The following DTNB variants were observed in gnomAD, a reference collection of about 807,000 sequenced individuals.
The protein encoded by DTNB is dystrobrevin beta.
A neutral mutation model predicts 90.7 loss-of-function variants in DTNB; 63 were observed. That is an observed-to-expected ratio of 0.69 (90% CI 0.57 to 0.86). The LOEUF (loss-of-function observed/expected upper bound fraction) is 0.86. Ranked by LOEUF, DTNB falls within the 40% of genes least tolerant of loss-of-function variation. DTNB has a pLI of 0.00. For missense variants in DTNB, 744 were observed against 807.1 expected, an observed-to-expected ratio of 0.92 and a Z score of 0.95; for synonymous variants, 277 against 286.7, an observed-to-expected ratio of 0.97 and a Z score of 0.34.
At chr2:25,454,283 C>G (rs772197040) in intron 11 of DTNB, among the ~76,000 whole-genome samples, 1 of 152,052 alleles carries the variant, frequency 6.6e-6, no homozygotes, top group African/African-American at 2.4e-5. Flanking sequence ...ATTTAAAAGT[C>G]TTTTTCATAT....
chr2:25,627,319 G>A (rs2074398434), intron 4 of DTNB, among the ~76,000 whole-genome samples: 1 of 152,108 alleles, frequency 6.6e-6, no homozygotes, highest in Non-Finnish European at 1.5e-5. Flanking sequence ...GGCTGAGGCA[G>A]GAGAATCGCT....
chr2:25,543,100 CA>C (rs2081635849), intron 8 of DTNB, among the ~76,000 whole-genome samples: 1 of 152,090 alleles, frequency 6.6e-6, no homozygotes, highest in Non-Finnish European at 1.5e-5. Flanking sequence ...TAAAAATATA[CA>C]AAGTCTAAAG....
At chr2:25,508,434 G>T (rs1314485411) in intron 9 of DTNB, among the ~76,000 whole-genome samples, 1 of 151,586 alleles carries the variant, frequency 6.6e-6, no homozygotes, top group East Asian at 1.9e-4. Flanking sequence ...GTATACCACT[G>T]GCCTTCCAAT....
At chr2:25,412,593 A>G (rs2046884506) in intron 16 of DTNB, among the ~76,000 whole-genome samples, 1 of 152,214 alleles carries the variant, frequency 6.6e-6, no homozygotes, top group Admixed American at 6.5e-5. Flanking sequence ...AAACATATAT[A>G]AAGTCTTTTT....
chr2:25,554,146 G>T (rs1559006620), intron 8 of DTNB, among the ~76,000 whole-genome samples: 1 of 152,152 alleles, frequency 6.6e-6, no homozygotes, highest in East Asian at 1.9e-4. Flanking sequence ...TGTGTATAGG[G>T]AAAAACAAAG....
At chr2:25,606,752 A>T (rs1258159964) in intron 5 of DTNB, among the ~76,000 whole-genome samples, 2 of 152,134 alleles carry the variant, frequency 1.3e-5, no homozygotes, top group Non-Finnish European at 2.9e-5. Flanking sequence ...GATAACAGGA[A>T]TTTTTTTAAA....
intron 14 of DTNB, among the ~76,000 whole-genome samples, chr2:25,431,605 C>A (rs2053865833): frequency 6.6e-6 from 1 of 152,206 alleles, no homozygotes; most frequent in African/African-American, 2.4e-5. Context: ...AGCCCTGCTA[C>A]TACATCTAAG....
At chr2:25,545,978 C>T (rs540826930) in intron 8 of DTNB, among the ~76,000 whole-genome samples, 1 of 152,334 alleles carries the variant, frequency 6.6e-6, no homozygotes, top group African/African-American at 2.4e-5. Context: ...CCAGATGAAT[C>T]CTGAGTGGCA....
intron 9 of DTNB, among the ~76,000 whole-genome samples, chr2:25,520,734 AG>A (rs1185301266): frequency 6.6e-6 from 1 of 152,252 alleles, no homozygotes; most frequent in Non-Finnish European, 1.5e-5. Flanking sequence ...TATGAGGTAT[AG>A]GAAAAAAACA....
intron 1 of DTNB, among the ~76,000 whole-genome samples, chr2:25,667,141 TAA>T (rs1009134986): frequency 3.8e-5 from 5 of 131,856 alleles, no homozygotes; most frequent in Non-Finnish European, 5.0e-5. Context: ...AAAACAAAAT[TAA>T]AAAAAAAAAA....
Position 25,552,847 on chromosome 2 carries a change from T to A in DTNB, c.877-21250A>T, listed in dbSNP as rs1291144816. On this transcript the variant is annotated intron_variant, in intron 8 of 20. Transcript: ENST00000406818. ...TATATAATTTCTCTTTTTGATTTTT[T>A]TTTTTTTTTTTTTTTTTTTTTTTTG... 3.6e-3 allele frequency among the ~76,000 whole-genome samples: 440 copies of A among 121,854 alleles called. 31 individuals are homozygous for A. The highest frequency in any genetic ancestry group is 0.013 in the African/African-American group (396 of 31,382). The allele number at this position is 121,854 out of a possible 152,430, so 79.9% of individuals were successfully genotyped here. A position where few individuals can be genotyped will look rare whatever the true frequency, so the allele number is the denominator to read the frequency against.
chr2:25,508,504 T>G (rs1241609425), intron 9 of DTNB, among the ~76,000 whole-genome samples: 2 of 139,558 alleles, frequency 1.4e-5, no homozygotes, highest in South Asian at 2.2e-4. Context: ...TTTTTGTTTG[T>G]TTTTTTTTTT....
intron 4 of DTNB, among the ~76,000 whole-genome samples, chr2:25,611,354 G>GA (rs1349077766): frequency 5.9e-5 from 9 of 151,924 alleles, no homozygotes; most frequent in African/African-American, 1.9e-4. Flanking sequence ...CTAAAAGAAA[G>GA]AAAAAAAAGC....
intron 4 of DTNB, among the ~76,000 whole-genome samples, chr2:25,608,627 C>T (rs1477770608): frequency 6.6e-6 from 1 of 152,140 alleles, no homozygotes. Context: ...TAAGATAGAT[C>T]ATTAGGTTAA....
chr2:25,565,854 A>G (rs2058949264), intron 8 of DTNB, among the ~76,000 whole-genome samples: 1 of 152,188 alleles, frequency 6.6e-6, no homozygotes, highest in African/African-American at 2.4e-5. Context: ...GAGATTCAAG[A>G]CGTAATAGTC....
chr2:25,667,071 C>T (rs2084622289), intron 1 of DTNB, among the ~76,000 whole-genome samples: 1 of 151,602 alleles, frequency 6.6e-6, no homozygotes, highest in Non-Finnish European at 1.5e-5. Flanking sequence ...TAGACTGAGG[C>T]CCAGTAGGTC....
At chr2:25,618,124 A>G (rs2071326473) in intron 4 of DTNB, among the ~76,000 whole-genome samples, 1 of 152,138 alleles carries the variant, frequency 6.6e-6, no homozygotes, top group African/African-American at 2.4e-5. Flanking sequence ...TTTTCTTGGC[A>G]CTGAAACCCC....
intron 16 of DTNB, among the ~76,000 whole-genome samples, chr2:25,397,524 C>T (rs533133499): frequency 2.0e-5 from 3 of 152,040 alleles, no homozygotes; most frequent in African/African-American, 7.2e-5. Context: ...CCTGGAAATG[C>T]CTAGATTAAG....
chr2:25,555,222 C>T (rs1339673924), intron 8 of DTNB, among the ~76,000 whole-genome samples: 7 of 139,114 alleles, frequency 5.0e-5, no homozygotes, highest in East Asian at 2.3e-4. Context: ...ACCCAGGAGG[C>T]GGAGCTTGCA....
Sources: gnomAD v4.1 joint callset for allele counts (sites outside exome capture counted in the v4.1 genomes callset) on GRCh38, gnomAD v4.1.1 for gene constraint, MANE v1.5 for transcripts, NCBI Gene and HGNC (gene_info 2026-07-23, HGNC 2026-07-21) for gene names.